BBOF1: variants seen among roughly 807,000 people sequenced by gnomAD.
The protein encoded by BBOF1 is basal body-orientation factor 1.
A neutral mutation model predicts 68.0 loss-of-function variants in BBOF1; 62 were observed. The observed-to-expected ratio is 0.91, with a 90% CI of 0.74 to 1.13. The LOEUF (loss-of-function observed/expected upper bound fraction) is 1.13. Among genes scored for constraint, BBOF1 ranks in the 50% most tolerant of loss-of-function variants. The probability of loss-of-function intolerance (pLI) is 0.00; values close to 1 mark genes in which losing one functional copy is unlikely to be tolerated. For missense variants in BBOF1, 534 were observed against 600.1 expected, an observed-to-expected ratio of 0.89 and a Z score of 1.15; for synonymous variants, 208 against 198.8, an observed-to-expected ratio of 1.05 and a Z score of -0.39.
chr14:74,021,839 G>A lies in BBOF1; in HGVS notation c.57-1077G>A, dbSNP rs10148556. ...GGAGAATGGCATGAACCTGGGAGGCGGAGCTTGCAGTGAGCCGAGATCACG... is the reference window on the plus strand; with the variant it reads ...GGAGAATGGCATGAACCTGGGAGGCAGAGCTTGCAGTGAGCCGAGATCACG... On this transcript the variant is annotated intron_variant, in intron 1 of 11. Transcript: ENST00000394009. Among the ~76,000 whole-genome samples the A allele has an allele frequency of 9.3e-3, 1,407 of 151,946 alleles. 24 individuals are homozygous for A. The highest frequency in any genetic ancestry group is 0.033 in the African/African-American group (1,347 of 41,444).
At chr14:74,063,297 C>G (rs1349193725) in intron 11 of BBOF1, among the ~76,000 whole-genome samples, 1 of 151,412 alleles carries the variant, frequency 6.6e-6, no homozygotes, top group Non-Finnish European at 1.5e-5. Flanking sequence ...AAGGATTCTT[C>G]TGCCTCAGCC....
intron 2 of BBOF1, among the ~76,000 whole-genome samples, chr14:74,026,140 CAAAA>C (rs372178821): frequency 8.7e-6 from 1 of 114,404 alleles, no homozygotes. Flanking sequence ...GACTCTGTCT[CAAAA>C]AAAAAAAAAA....
exon 10 of BBOF1, chr14:74,078,216 T>A: frequency 2.2e-6 from 1 of 456,092 alleles, no homozygotes; most frequent in Non-Finnish European, 4.4e-6. Context: ...AACCATCAGA[T>A]GAGAACTTCT....
intron 3 of BBOF1, among the ~76,000 whole-genome samples, 153 bp downstream of exon 3, chr14:74,029,402 G>T (rs946785655): frequency 6.6e-6 from 1 of 152,142 alleles, no homozygotes; most frequent in African/African-American, 2.4e-5. Context: ...AAAAAACCAG[G>T]CTGGGCATGA....
At chr14:74,062,215 G>A (rs572054612) in intron 11 of BBOF1, among the ~76,000 whole-genome samples, 35 of 151,932 alleles carry the variant, frequency 2.3e-4, no homozygotes, top group African/African-American at 8.4e-4. Context: ...TAAATAAATG[G>A]AGAGGGTGGG....
chr14:74,052,225 T>G (rs1477582359), intron 8 of BBOF1, among the ~76,000 whole-genome samples: 1 of 151,882 alleles, frequency 6.6e-6, no homozygotes, highest in Non-Finnish European at 1.5e-5. Context: ...ATTGTCTACA[T>G]TGTTACTGCA....
chr14:74,035,226 T>TA (rs141637204), intron 4 of BBOF1, among the ~76,000 whole-genome samples: 204 of 150,146 alleles, frequency 1.4e-3, no homozygotes, highest in African/African-American at 4.3e-3. Context: ...CAGCTCTCTG[T>TA]AAAAAAAAAA....
intron 8 of BBOF1, among the ~76,000 whole-genome samples, chr14:74,052,827 C>T (rs1170909429): frequency 6.6e-6 from 1 of 151,286 alleles, no homozygotes; most frequent in Non-Finnish European, 1.5e-5. Flanking sequence ...TGAGACCCCA[C>T]CTCTACAAAA....
rs1231308527 is a variant in BBOF1 at position 74,019,401 on chromosome 14, C to A, written c.-78C>A. 6.6e-7 allele frequency: 1 copy of A among 1,517,888 alleles called. No individual in the cohort carries two copies. The highest frequency in any genetic ancestry group is 8.8e-7 in the Non-Finnish European group (1 of 1,130,478). The allele number at this position is 1,517,888 out of a possible 1,614,324, so 94.0% of individuals were successfully genotyped here. ...GTGGGGCATTGCCAGCTCGGCGTCC[C>A]GGTTCCCTTGGAGACAGAGCTGGCC... is the stretch of plus-strand genomic sequence containing the variant. On this transcript the variant is annotated 5_prime_UTR_variant, in exon 1 of 12. Coordinates refer to ENST00000394009, the MANE Select transcript of BBOF1 (RefSeq NM_025057.3).
chr14:74,064,650 C>G, intron 11 of BBOF1, 38 bp from the exon 12 acceptor site: 1 of 1,611,750 alleles, frequency 6.2e-7, no homozygotes, highest in Non-Finnish European at 8.5e-7. Flanking sequence ...GAAGAAGCAG[C>G]TTTGGCAAAA....
chr14:74,049,635 C>T (rs970148023), intron 7 of BBOF1, 67 bp from the exon 8 acceptor site: 2 of 1,388,536 alleles, frequency 1.4e-6, no homozygotes, highest in African/African-American at 2.9e-5. Flanking sequence ...GCCCTCCAGC[C>T]TGGGCGACAG....
At chr14:74,037,818 T>C (rs1462072044) in intron 4 of BBOF1, among the ~76,000 whole-genome samples, 2 of 151,892 alleles carry the variant, frequency 1.3e-5, no homozygotes, top group Non-Finnish European at 2.9e-5. Flanking sequence ...CTGGGCCTGG[T>C]GTGGCACATG....
Position 74,056,888 on chromosome 14 carries a change from G to T in BBOF1, c.1389-18G>T, listed in dbSNP as rs745512041. On this transcript the variant is annotated intron_variant, in intron 9 of 11. Transcript: ENST00000394009. Reference sequence around the variant, plus strand: ...CACTGCCTCATTCATTATCTTTGTTGACTTTTACCCACTACAGGAAATACA... The same window carrying T: ...CACTGCCTCATTCATTATCTTTGTTTACTTTTACCCACTACAGGAAATACA... 1.9e-6 allele frequency: 3 copies of T among 1,582,000 alleles called. No individual in the cohort carries two copies. Among genetic ancestry groups the T allele is most frequent in the Admixed American group, 3.4e-5 (2 of 58,866 alleles).
At chr14:74,071,834 A>G (rs2060553611) in intron 9 of BBOF1, 1 of 1,571,768 alleles carries the variant, frequency 6.4e-7, no homozygotes, top group African/African-American at 1.4e-5. Context: ...CCATTCTGCG[A>G]TCTTTGCCTC....
chr14:74,031,394 T>TG (rs2059565890), intron 3 of BBOF1, among the ~76,000 whole-genome samples: 1 of 152,154 alleles, frequency 6.6e-6, no homozygotes, highest in African/African-American at 2.4e-5. Flanking sequence ...ATTATAGGTG[T>TG]AGGCCACCAC....
At chr14:74,029,149 T>C in intron 2 of BBOF1, 35 bp from the exon 3 acceptor site, 1 of 1,393,794 alleles carries the variant, frequency 7.2e-7, no homozygotes. Context: ...AGCAGTTTCT[T>C]TATCTTCATG....
chr14:74,075,163 T>C (rs2060598154), intron 9 of BBOF1: 1 of 712,718 alleles, frequency 1.4e-6, no homozygotes, highest in Non-Finnish European at 2.5e-6. Context: ...AGAAAAGATA[T>C]GAATCTATGA....
intron 9 of BBOF1, among the ~76,000 whole-genome samples, chr14:74,076,190 T>C (rs961402326): frequency 2.6e-5 from 4 of 152,072 alleles, no homozygotes; most frequent in Non-Finnish European, 5.9e-5. Flanking sequence ...GTACAGATTG[T>C]TTTGTGTCAA....
At chr14:74,061,318 TTG>T (rs753484046) in intron 11 of BBOF1, among the ~76,000 whole-genome samples, 11,054 of 150,876 alleles carry the variant, frequency 0.073, 531 homozygotes, top group South Asian at 0.25. Context: ...TTTATTTATT[TTG>T]AGACAGAGTC....
Sources: gnomAD v4.1 joint callset for allele counts (sites outside exome capture counted in the v4.1 genomes callset) on GRCh38, gnomAD v4.1.1 for gene constraint, MANE v1.5 for transcripts, NCBI Gene and HGNC (gene_info 2026-07-23, HGNC 2026-07-21) for gene names.